The following JADE3 variants were observed in gnomAD, a reference collection of about 807,000 sequenced individuals.
JADE3 encodes protein Jade-3.
Under a neutral mutation model 50.1 loss-of-function variants are expected in JADE3, and 2 were observed. The observed-to-expected ratio is 0.04, with a 90% CI of 0.02 to 0.13. JADE3 has a LOEUF of 0.13. Ranked by LOEUF, JADE3 falls within the 10% of genes least tolerant of loss-of-function variation. The pLI is 1.00. For missense variants in JADE3, 475 were observed against 634.4 expected, an observed-to-expected ratio of 0.75 and a Z score of 2.70; for synonymous variants, 218 against 232.9, an observed-to-expected ratio of 0.94 and a Z score of 0.58.
rs1436743612 is a variant in JADE3 at position 46,934,360 on chromosome X, G to A, written c.-12+21641G>A. Among the ~76,000 whole-genome samples the A allele has an allele frequency of 2.8e-4, 28 of 101,329 alleles. No homozygotes were observed. In the East Asian group the frequency reaches 6.8e-3, roughly 25 times the overall value. 88.0% of individuals were successfully genotyped at this position (101,329 alleles called of 115,157 possible). A position where few individuals can be genotyped will look rare whatever the true frequency, so the allele number is the denominator to read the frequency against. On this transcript the variant is annotated intron_variant, in intron 1 of 10. Coordinates refer to ENST00000614628, the MANE Select transcript of JADE3 (RefSeq NM_014735.5). Reference sequence around the variant, plus strand: ...GTCACCCAGGCTGGAGTACAGTGGCGCGATCTCGGCTCACTGCAAGCTCCG... The same window carrying A: ...GTCACCCAGGCTGGAGTACAGTGGCACGATCTCGGCTCACTGCAAGCTCCG...
At chrX:47,012,451 C>T (rs1414671182) in intron 4 of JADE3, among the ~76,000 whole-genome samples, 2 of 110,589 alleles carry the variant, frequency 1.8e-5, no homozygotes, top group Non-Finnish European at 1.9e-5. Flanking sequence ...CATGGTGGCG[C>T]ATACCTATAG....
At chrX:47,038,843 T>G (rs1929192353) in intron 7 of JADE3, 106 bp from the exon 8 acceptor site, 1 of 489,280 alleles carries the variant, frequency 2.0e-6, no homozygotes, top group Non-Finnish European at 3.6e-6. Context: ...GTGACTTACC[T>G]CATTGTTTTG....
intron 6 of JADE3, among the ~76,000 whole-genome samples, chrX:47,031,905 C>T (rs1366473285): frequency 9.0e-6 from 1 of 111,095 alleles, no homozygotes; most frequent in Non-Finnish European, 1.9e-5. Context: ...ATGATGCTGA[C>T]TATGTACTTG....
chrX:47,013,995 C>T (rs940306387), intron 4 of JADE3, among the ~76,000 whole-genome samples: 2 of 111,902 alleles, frequency 1.8e-5, no homozygotes, highest in Non-Finnish European at 3.8e-5. Flanking sequence ...GGGCCACTGC[C>T]GCCTCTTGGT....
chrX:47,005,464 C>T (rs1928393525), intron 4 of JADE3, among the ~76,000 whole-genome samples: 1 of 111,820 alleles, frequency 8.9e-6, no homozygotes, highest in African/African-American at 3.3e-5. Context: ...TGGTCTCAAA[C>T]TCTTGACCTC....
intron 8 of JADE3, among the ~76,000 whole-genome samples, chrX:47,046,142 GAAAAA>G (rs1274462983): frequency 9.2e-6 from 1 of 108,521 alleles, no homozygotes; most frequent in Non-Finnish European, 1.9e-5. Context: ...AACTCACTGA[GAAAAA>G]AAAAGAGAGA....
intron 3 of JADE3, among the ~76,000 whole-genome samples, chrX:46,992,644 T>C (rs1208289614): frequency 8.9e-6 from 1 of 111,821 alleles, no homozygotes; most frequent in African/African-American, 3.3e-5. Flanking sequence ...TTGTTTTGTT[T>C]TGTTTTTTGT....
chrX:46,944,142 C>G (rs1429472003), intron 1 of JADE3, among the ~76,000 whole-genome samples: 5 of 110,544 alleles, frequency 4.5e-5, no homozygotes, highest in African/African-American at 1.6e-4. Context: ...TTTAGCCTTT[C>G]AAATAACCAA....
At chrX:46,991,838 T>C (rs959016090) in intron 3 of JADE3, among the ~76,000 whole-genome samples, 6 of 111,554 alleles carry the variant, frequency 5.4e-5, no homozygotes, top group Admixed American at 9.5e-5. Flanking sequence ...TTAGCCAGTG[T>C]TATTATCCCT....
intron 1 of JADE3, among the ~76,000 whole-genome samples, chrX:46,954,648 G>A (rs978937604): frequency 9.0e-6 from 1 of 111,051 alleles, no homozygotes; most frequent in Non-Finnish European, 1.9e-5. Flanking sequence ...TCTGCCTCCC[G>A]GGTTCAAGCT....
intron 1 of JADE3, among the ~76,000 whole-genome samples, chrX:46,965,904 T>A (rs1218247753): frequency 8.9e-6 from 1 of 111,982 alleles, no homozygotes; most frequent in Non-Finnish European, 1.9e-5. Flanking sequence ...AGGCACATGA[T>A]CCAATTTGTG....
intron 4 of JADE3, among the ~76,000 whole-genome samples, chrX:47,023,715 G>A (rs1247075212): frequency 9.0e-6 from 1 of 111,259 alleles, no homozygotes; most frequent in East Asian, 2.8e-4. Context: ...AGACCAGCCT[G>A]GCCAACATGG....
At chrX:46,917,809 C>CTT (rs1926121404) in intron 1 of JADE3, among the ~76,000 whole-genome samples, 1 of 90,200 alleles carries the variant, frequency 1.1e-5, no homozygotes, top group East Asian at 3.9e-4. Flanking sequence ...GTCTCTCTCT[C>CTT]TCTCTCTCTC....
At chrX:47,039,390 CT>C (rs34509375) in intron 8 of JADE3, among the ~76,000 whole-genome samples, 9,125 of 95,976 alleles carry the variant, frequency 0.095, 934 homozygotes, top group African/African-American at 0.3. Flanking sequence ...GGCCCATGTT[CT>C]TTTTTTTTTT....
At chrX:47,051,408 A>G (rs191824220) in intron 8 of JADE3, among the ~76,000 whole-genome samples, 2 of 112,208 alleles carry the variant, frequency 1.8e-5, no homozygotes, top group African/African-American at 6.5e-5. Context: ...GGCTTTAACC[A>G]TAAGAATTCC....
chrX:46,992,874 G>C (rs782419072), intron 3 of JADE3, among the ~76,000 whole-genome samples: 1 of 111,828 alleles, frequency 8.9e-6, no homozygotes, highest in Non-Finnish European at 1.9e-5. Context: ...AGGGATATGT[G>C]AATCCCCTGT....
chrX:46,994,274 T>C (rs186997003), intron 3 of JADE3, among the ~76,000 whole-genome samples: 1 of 112,047 alleles, frequency 8.9e-6, no homozygotes, highest in East Asian at 2.8e-4. Context: ...TGAGGCCTCC[T>C]TTGTTTCTGC....
chrX:47,006,497 G>A (rs782111891), intron 4 of JADE3, among the ~76,000 whole-genome samples: 14 of 95,751 alleles, frequency 1.5e-4, no homozygotes, highest in South Asian at 1.0e-3. Flanking sequence ...CAGGGGTTTC[G>A]CCATGTTGCC....
intron 8 of JADE3, among the ~76,000 whole-genome samples, chrX:47,050,048 C>A (rs1278755193): frequency 9.1e-6 from 1 of 109,865 alleles, no homozygotes; most frequent in Non-Finnish European, 1.9e-5. Flanking sequence ...TCAAGTAATC[C>A]TCCCACCTCA....
Sources: allele counts gnomAD v4.1 joint callset (sites outside exome capture counted in the v4.1 genomes callset), GRCh38; gene constraint gnomAD v4.1.1; transcripts MANE v1.5; gene names NCBI Gene and HGNC (gene_info 2026-07-23, HGNC 2026-07-21).